CNTNAP2: variants seen among roughly 807,000 people sequenced by gnomAD.
CNTNAP2 encodes contactin associated protein 2, also known as contactin-associated protein-like 2.
CNTNAP2 carries 98 observed loss-of-function variants against 155.2 expected under a neutral mutation model. The observed-to-expected ratio is 0.63, with a 90% CI of 0.54 to 0.75. CNTNAP2 has a LOEUF of 0.75. CNTNAP2 is among the 30% of genes least tolerant of loss of function. CNTNAP2 has a pLI of 0.00. For synonymous variants in CNTNAP2, 651 were observed against 631.2 expected, an observed-to-expected ratio of 1.03 and a Z score of -0.47; for missense variants, 1,727 against 1,688.1, an observed-to-expected ratio of 1.02 and a Z score of -0.40.
At chr7:148,130,764 C>T (rs771396056) in intron 16 of CNTNAP2, among the ~76,000 whole-genome samples, 21 of 152,206 alleles carry the variant, frequency 1.4e-4, no homozygotes, top group Non-Finnish European at 2.4e-4. Context: ...CTGCCTGTTC[C>T]GGAATTGCTT....
chr7:146,740,348 T>G (rs1235711940), intron 1 of CNTNAP2, among the ~76,000 whole-genome samples: 1 of 151,994 alleles, frequency 6.6e-6, no homozygotes, highest in African/African-American at 2.4e-5. Context: ...TTATTATTAT[T>G]ATTGTTTTAT....
At chr7:147,038,728 T>C (rs1799205520) in intron 3 of CNTNAP2, among the ~76,000 whole-genome samples, 1 of 152,234 alleles carries the variant, frequency 6.6e-6, no homozygotes, top group African/African-American at 2.4e-5. Flanking sequence ...CTTGTGGCCA[T>C]ATTATTTCAT....
intron 4 of CNTNAP2, among the ~76,000 whole-genome samples, chr7:147,076,643 T>A (rs1047730677): frequency 6.6e-6 from 1 of 152,204 alleles, no homozygotes; most frequent in Non-Finnish European, 1.5e-5. Flanking sequence ...ATGAAAAGTA[T>A]ATGAGTTTTA....
chr7:146,508,006 G>A (rs571447662), intron 1 of CNTNAP2, among the ~76,000 whole-genome samples: 4 of 152,162 alleles, frequency 2.6e-5, no homozygotes, highest in African/African-American at 4.8e-5. Context: ...CATCAAATCC[G>A]TGATAGACAG....
At chr7:147,896,018 A>T (rs1237752275) in intron 13 of CNTNAP2, among the ~76,000 whole-genome samples, 1 of 152,218 alleles carries the variant, frequency 6.6e-6, no homozygotes, top group Non-Finnish European at 1.5e-5. Flanking sequence ...AAAGAACAGA[A>T]CAACATCAAT....
At chr7:146,451,034 A>C (rs984096148) in intron 1 of CNTNAP2, among the ~76,000 whole-genome samples, 5 of 151,648 alleles carry the variant, frequency 3.3e-5, no homozygotes, top group Non-Finnish European at 5.9e-5. Context: ...GCAAGCTCTG[A>C]CCCCCGGGTT....
At chr7:146,752,157 G>A (rs1801916936) in intron 1 of CNTNAP2, among the ~76,000 whole-genome samples, 1 of 151,952 alleles carries the variant, frequency 6.6e-6, no homozygotes, top group African/African-American at 2.4e-5. Context: ...GGGATTGCTG[G>A]GTCAAATGGT....
At chr7:146,900,561 C>T (rs1795972384) in intron 3 of CNTNAP2, among the ~76,000 whole-genome samples, 1 of 152,256 alleles carries the variant, frequency 6.6e-6, no homozygotes, top group East Asian at 1.9e-4. Context: ...CAAGCCCTGG[C>T]CTATCTTGCT....
At chr7:147,550,617 A>G (rs1364445123) in intron 11 of CNTNAP2, among the ~76,000 whole-genome samples, 1 of 152,162 alleles carries the variant, frequency 6.6e-6, no homozygotes, top group Non-Finnish European at 1.5e-5. Context: ...TGAAGTGAAG[A>G]AAAAGGGAAG....
intron 2 of CNTNAP2, among the ~76,000 whole-genome samples, chr7:146,836,141 G>A (rs1474936598): frequency 6.6e-6 from 1 of 152,058 alleles, no homozygotes; most frequent in African/African-American, 2.4e-5. Flanking sequence ...TCCATAGATA[G>A]CACCCATATA....
chr7:148,078,104 C>T (rs1276445481), intron 15 of CNTNAP2, among the ~76,000 whole-genome samples: 3 of 152,044 alleles, frequency 2.0e-5, no homozygotes, highest in African/African-American at 7.3e-5. Flanking sequence ...TGCTCTGTCA[C>T]CCAGGCTGGA....
chr7:146,170,568 T>G (rs1798375624), intron 1 of CNTNAP2, among the ~76,000 whole-genome samples: 1 of 152,150 alleles, frequency 6.6e-6, no homozygotes. Flanking sequence ...TTAAATATGG[T>G]TTTTGTGGTC....
chr7:148,404,465 G>T (rs4726972), intron 22 of CNTNAP2, among the ~76,000 whole-genome samples: 1 of 151,996 alleles, frequency 6.6e-6, no homozygotes, highest in South Asian at 2.1e-4. Context: ...CTATGAGACG[G>T]GAGAGTTCCC....
intron 12 of CNTNAP2, among the ~76,000 whole-genome samples, chr7:147,613,517 A>C (rs1801225622): frequency 6.6e-6 from 1 of 152,120 alleles, no homozygotes; most frequent in African/African-American, 2.4e-5. Context: ...CTCCCATTAG[A>C]GTGCTTTTCT....
intron 1 of CNTNAP2, among the ~76,000 whole-genome samples, chr7:146,509,398 C>T (rs1797433277): frequency 6.6e-6 from 1 of 152,170 alleles, no homozygotes; most frequent in Non-Finnish European, 1.5e-5. Context: ...TGTTGGCTCC[C>T]TCATCCCAAA....
At chr7:147,365,819 A>C (rs1796219994) in intron 9 of CNTNAP2, among the ~76,000 whole-genome samples, 1 of 152,168 alleles carries the variant, frequency 6.6e-6, no homozygotes, top group South Asian at 2.1e-4. Flanking sequence ...AAGGAAACAA[A>C]ATCCTTTAGA....
In CNTNAP2 at chr7:146,685,338, G is replaced by C. The variant is rs570785751; in HGVS notation, c.98-88933G>C. 6.6e-5 allele frequency among the ~76,000 whole-genome samples: 10 copies of C among 152,154 alleles called. No individual in the cohort carries two copies. The South Asian group carries it at 1.9e-3, about 28-fold the overall frequency. On this transcript the variant is annotated intron_variant, in intron 1 of 23. Transcript: ENST00000361727. ...AGATAGATGATTTTATGATTGCCAG[G>C]GTGTTTGAGATGACACACAAACAAC...
chr7:148,036,189 G>A (rs1356746804), intron 15 of CNTNAP2, among the ~76,000 whole-genome samples: 1 of 152,136 alleles, frequency 6.6e-6, no homozygotes. Flanking sequence ...CTTTGAGTTG[G>A]GGCTGGGATG....
chr7:146,313,993 C>A (rs2129091221), intron 1 of CNTNAP2, among the ~76,000 whole-genome samples: 1 of 151,004 alleles, frequency 6.6e-6, no homozygotes, highest in East Asian at 1.9e-4. Context: ...AAAGAGACTC[C>A]ATCTCAAAAA....
Sources: gnomAD v4.1 joint callset for allele counts (sites outside exome capture counted in the v4.1 genomes callset) on GRCh38, gnomAD v4.1.1 for gene constraint, MANE v1.5 for transcripts, NCBI Gene and HGNC (gene_info 2026-07-23, HGNC 2026-07-21) for gene names.